MMP16: variants seen among roughly 807,000 people sequenced by gnomAD.
MMP16 encodes matrix metalloproteinase-16.
Under a neutral mutation model 67.8 loss-of-function variants are expected in MMP16, and 12 were observed. The ratio of observed to expected loss-of-function variants is 0.18; its 90% CI spans 0.11 to 0.29. The LOEUF (loss-of-function observed/expected upper bound fraction) is 0.29, where lower values mean the gene tolerates loss of function less well. MMP16 is among the 10% of genes least tolerant of loss of function. The probability of loss-of-function intolerance (pLI) is 1.00; values close to 1 mark genes in which losing one functional copy is unlikely to be tolerated. For synonymous variants in MMP16, 249 were observed against 255.9 expected, an observed-to-expected ratio of 0.97 and a Z score of 0.26; for missense variants, 475 against 765.7, an observed-to-expected ratio of 0.62 and a Z score of 4.48.
chr8:88,048,160 T>A (rs1018313977), intron 8 of MMP16, among the ~76,000 whole-genome samples: 6 of 152,134 alleles, frequency 3.9e-5, no homozygotes, highest in Non-Finnish European at 7.4e-5. Flanking sequence ...AATTCAGACT[T>A]CAAAGTGGAC....
chr8:88,302,853 G>A (rs559729409), intron 1 of MMP16, among the ~76,000 whole-genome samples: 9 of 152,126 alleles, frequency 5.9e-5, no homozygotes, highest in Non-Finnish European at 8.8e-5. Flanking sequence ...CAAATAGCTC[G>A]ACCCATAGAG....
At chr8:88,215,422 G>A (rs2129829482) in intron 1 of MMP16, among the ~76,000 whole-genome samples, 1 of 152,190 alleles carries the variant, frequency 6.6e-6, no homozygotes, top group Non-Finnish European at 1.5e-5. Context: ...GCTCTGCAGA[G>A]GCTAGAGAGG....
intron 1 of MMP16, among the ~76,000 whole-genome samples, chr8:88,279,461 C>T (rs899706998): frequency 2.6e-5 from 4 of 152,032 alleles, no homozygotes; most frequent in African/African-American, 7.2e-5. Context: ...GGTGAGGTAA[C>T]ATCCTTCTAG....
At chr8:88,107,638 G>A (rs761122445) in intron 6 of MMP16, among the ~76,000 whole-genome samples, 5 of 151,054 alleles carry the variant, frequency 3.3e-5, no homozygotes, top group Admixed American at 2.0e-4. Flanking sequence ...TATCAAAATC[G>A]TATTTTGGTG....
chr8:88,262,712 T>C (rs1478177277), intron 1 of MMP16, among the ~76,000 whole-genome samples: 2 of 151,950 alleles, frequency 1.3e-5, no homozygotes, highest in Admixed American at 6.6e-5. Context: ...GTTAAAGTTT[T>C]TGAATTCAGG....
chr8:88,040,008 C>T lies in MMP16; in HGVS notation c.*1453G>A, dbSNP rs912599651. On this transcript the variant is annotated 3_prime_UTR_variant, in exon 10 of 10. Transcript: ENST00000286614. ...TGGTGGACATGCAATAGGTAATGCA[C>T]TGGAGGATATTCATGCAACTTCAGA... The T allele has an allele frequency of 2.6e-5, 4 of 152,544 alleles. No individual in the cohort carries two copies. The highest frequency in any genetic ancestry group is 9.7e-5 in the African/African-American group (4 of 41,430). The allele number at this position is 152,544 out of a possible 1,614,324, so 9.4% of individuals were successfully genotyped here.
intron 2 of MMP16, among the ~76,000 whole-genome samples, chr8:88,189,835 A>C (rs1211432852): frequency 2.6e-5 from 4 of 152,156 alleles, no homozygotes; most frequent in African/African-American, 9.7e-5. Flanking sequence ...ATGTCTTATA[A>C]TGTGTATCCT....
chr8:88,127,113 C>A (rs1206222335), intron 4 of MMP16, among the ~76,000 whole-genome samples: 1 of 151,830 alleles, frequency 6.6e-6, no homozygotes, highest in Non-Finnish European at 1.5e-5. Flanking sequence ...TTTACCAAAA[C>A]TAGTGCACCA....
At chr8:88,307,882 T>G (rs1811235158) in intron 1 of MMP16, among the ~76,000 whole-genome samples, 1 of 151,920 alleles carries the variant, frequency 6.6e-6, no homozygotes, top group East Asian at 1.9e-4. Context: ...ATACAAAAAT[T>G]TATAAATAGA....
intron 1 of MMP16, among the ~76,000 whole-genome samples, chr8:88,283,758 G>GAT (rs1315559206): frequency 2.6e-5 from 4 of 152,018 alleles, no homozygotes; most frequent in African/African-American, 9.7e-5. Context: ...ACTGACCTGT[G>GAT]ATACCGAGAA....
chr8:88,047,414 T>C (rs1273724877), intron 8 of MMP16, among the ~76,000 whole-genome samples: 2 of 152,148 alleles, frequency 1.3e-5, no homozygotes, highest in Non-Finnish European at 2.9e-5. Flanking sequence ...TAGGAGGTGA[T>C]AACAACTATG....
chr8:88,108,121 C>T (rs1049298493), intron 6 of MMP16, among the ~76,000 whole-genome samples: 5 of 151,002 alleles, frequency 3.3e-5, no homozygotes, highest in Admixed American at 6.6e-5. Context: ...ATACCTTATA[C>T]CAAAGTAAAT....
At chr8:88,218,481 T>G (rs1809628466) in intron 1 of MMP16, among the ~76,000 whole-genome samples, 1 of 152,042 alleles carries the variant, frequency 6.6e-6, no homozygotes, top group Non-Finnish European at 1.5e-5. Flanking sequence ...AATCTGAAAA[T>G]TTCTTACCAC....
rs1452616852 is a variant in MMP16 at position 88,327,355 on chromosome 8, CA to C, written c.-150del. 4.9e-6 allele frequency: 5 copies of C among 1,010,966 alleles called. No individual in the cohort carries two copies. In the Admixed American group the frequency reaches 1.2e-4, roughly 25 times the overall value. 62.6% of individuals were successfully genotyped at this position (1,010,966 alleles called of 1,614,324 possible). The stretch of plus-strand genomic sequence containing the variant: ...CCCACAGCCGGGCAAGGGGAGGAGA[CA>C]GGGGCCCCGCGCTCGGCAGCCCCCG... On this transcript the variant is annotated 5_prime_UTR_variant, in exon 1 of 10. Coordinates refer to ENST00000286614, the MANE Select transcript of MMP16 (RefSeq NM_005941.5).
At chr8:88,281,998 T>C (rs1404553692) in intron 1 of MMP16, among the ~76,000 whole-genome samples, 1 of 150,380 alleles carries the variant, frequency 6.6e-6, no homozygotes, top group African/African-American at 2.5e-5. Context: ...ACTAAAATTC[T>C]ACACATTTTT....
At chr8:88,167,173 T>C (rs1808728514) in intron 4 of MMP16, among the ~76,000 whole-genome samples, 1 of 151,876 alleles carries the variant, frequency 6.6e-6, no homozygotes, top group South Asian at 2.1e-4. Flanking sequence ...AATTGTGCCA[T>C]TGCACTCCAG....
chr8:88,320,730 A>G (rs1039429240), intron 1 of MMP16, among the ~76,000 whole-genome samples: 7 of 152,148 alleles, frequency 4.6e-5, no homozygotes, highest in Admixed American at 1.3e-4. Context: ...CTTCCAAGCC[A>G]TTGGAGTCTT....
intron 1 of MMP16, among the ~76,000 whole-genome samples, chr8:88,210,183 T>C (rs937136006): frequency 9.2e-5 from 14 of 152,176 alleles, no homozygotes; most frequent in Admixed American, 9.2e-4. Flanking sequence ...GACACTTTTT[T>C]ATAGCAGCCT....
At chr8:88,256,690 A>G (rs968301002) in intron 1 of MMP16, among the ~76,000 whole-genome samples, 1 of 148,858 alleles carries the variant, frequency 6.7e-6, no homozygotes, top group Non-Finnish European at 1.5e-5. Flanking sequence ...TCTCTCACAC[A>G]CACACACACA....
Sources: gnomAD v4.1 joint callset for allele counts (sites outside exome capture counted in the v4.1 genomes callset) on GRCh38, gnomAD v4.1.1 for gene constraint, MANE v1.5 for transcripts, NCBI Gene and HGNC (gene_info 2026-07-23, HGNC 2026-07-21) for gene names.